Variants in FAM135B observed in about 807,000 individuals in gnomAD.
FAM135B encodes family with sequence similarity 135 member B, also known as protein FAM135B.
FAM135B carries 43 observed loss-of-function variants against 127.7 expected under a neutral mutation model. The observed-to-expected ratio is 0.34, with a 90% CI of 0.26 to 0.43. FAM135B has a LOEUF of 0.43. FAM135B is among the 20% of genes least tolerant of loss of function. The pLI is 1.00. For synonymous variants in FAM135B, 670 were observed against 665.1 expected, an observed-to-expected ratio of 1.01 and a Z score of -0.11; for missense variants, 1,558 against 1,725.6, an observed-to-expected ratio of 0.90 and a Z score of 1.72.
intron 1 of FAM135B, among the ~76,000 whole-genome samples, chr8:138,392,440 T>C (rs1477473538): frequency 1.3e-5 from 2 of 152,220 alleles, no homozygotes; most frequent in Non-Finnish European, 2.9e-5. Flanking sequence ...GAGTAAATCC[T>C]GTATTTGTTG....
At chr8:138,400,219 G>T (rs1326889715) in intron 1 of FAM135B, among the ~76,000 whole-genome samples, 1 of 152,106 alleles carries the variant, frequency 6.6e-6, no homozygotes, top group Non-Finnish European at 1.5e-5. Flanking sequence ...AGCCAGAGTC[G>T]CTCCTCAGAT....
chr8:138,176,137 G>A (rs993153842), intron 11 of FAM135B, among the ~76,000 whole-genome samples: 4 of 152,242 alleles, frequency 2.6e-5, no homozygotes, highest in Non-Finnish European at 4.4e-5. Context: ...TGTAATCTGA[G>A]TGCTGGGTCA....
At chr8:138,426,042 C>CATATATATAT (rs1834859049) in intron 1 of FAM135B, among the ~76,000 whole-genome samples, 1 of 77,336 alleles carries the variant, frequency 1.3e-5, no homozygotes. Flanking sequence ...CACACACACA[C>CATATATATAT]ACACACACAT....
chr8:138,273,097 T>G (rs1823512591), intron 3 of FAM135B, among the ~76,000 whole-genome samples: 1 of 152,160 alleles, frequency 6.6e-6, no homozygotes, highest in Admixed American at 6.5e-5. Flanking sequence ...TGCTGCTGGA[T>G]TAATAGGAGT....
At chr8:138,481,230 G>T (rs1371943243) in intron 1 of FAM135B, among the ~76,000 whole-genome samples, 1 of 152,196 alleles carries the variant, frequency 6.6e-6, no homozygotes, top group African/African-American at 2.4e-5. Context: ...CATGGTATCA[G>T]GCACTTTGTT....
chr8:138,367,738 C>A (rs373508640), intron 2 of FAM135B, among the ~76,000 whole-genome samples, 169 bp downstream of exon 2: 1 of 151,912 alleles, frequency 6.6e-6, no homozygotes, highest in African/African-American at 2.4e-5. Flanking sequence ...TTTTCAGATG[C>A]AATAAAGGTT....
chr8:138,203,460 G>C (rs2129645833), intron 7 of FAM135B, among the ~76,000 whole-genome samples: 1 of 152,288 alleles, frequency 6.6e-6, no homozygotes, highest in East Asian at 1.9e-4. Context: ...CTCTGCCCCA[G>C]GTTGAGCTGT....
At chr8:138,216,817 T>G (rs897327969) in intron 7 of FAM135B, among the ~76,000 whole-genome samples, 3 of 152,202 alleles carry the variant, frequency 2.0e-5, no homozygotes, top group Non-Finnish European at 4.4e-5. Flanking sequence ...CATATTCATA[T>G]AGCCTAACCC....
At chr8:138,161,980 A>C (rs1819446979) in intron 12 of FAM135B, among the ~76,000 whole-genome samples, 1 of 152,176 alleles carries the variant, frequency 6.6e-6, no homozygotes. Context: ...AATAGAACAG[A>C]ATTCCAACAA....
At chr8:138,445,154 ATAAT>A (rs1836050140) in intron 1 of FAM135B, among the ~76,000 whole-genome samples, 1 of 152,218 alleles carries the variant, frequency 6.6e-6, no homozygotes, top group African/African-American at 2.4e-5. Context: ...AATTGAGGCA[ATAAT>A]TAATAGCTTA....
At position 138,257,885 on chromosome 8, in the gene FAM135B, T is replaced by A. The variant is rs5895507; in HGVS notation, c.298-1126A>T. 5.9e-3 allele frequency among the ~76,000 whole-genome samples: 502 copies of A among 85,732 alleles called. 3 individuals are homozygous for A. The highest frequency in any genetic ancestry group is 0.02 in the African/African-American group (422 of 20,874). 56.2% of individuals were successfully genotyped at this position (85,732 alleles called of 152,430 possible). A position where few individuals can be genotyped will look rare whatever the true frequency, so the allele number is the denominator to read the frequency against. On this transcript the variant is annotated intron_variant, in intron 4 of 19. Transcript: ENST00000395297. ...TTCAGCTTCTACAAAAAATAAAAAATAAAAAAAAAAATAAAACAAAACAAA... is the reference window on the plus strand; with the variant it reads ...TTCAGCTTCTACAAAAAATAAAAAAAAAAAAAAAAAATAAAACAAAACAAA...
At position 138,167,881 on chromosome 8, in the gene FAM135B, C is replaced by T; in HGVS notation, c.1258+14G>A. 2 of 1,598,818 alleles carry T rather than the reference C, an allele frequency of 1.3e-6. No homozygotes were observed. Among genetic ancestry groups the T allele is most frequent in the Non-Finnish European group, 8.5e-7 (1 of 1,171,018 alleles). ...GCCTTATTCCTGAGTCTTTCCAAAA[C>T]AAAACAGACAAACCTGTCGCAGGGC... On this transcript the variant is annotated intron_variant, in intron 12 of 19. Transcript: ENST00000395297.
intron 1 of FAM135B, among the ~76,000 whole-genome samples, chr8:138,392,484 A>G (rs982041891): frequency 1.3e-5 from 2 of 152,158 alleles, no homozygotes; most frequent in Admixed American, 6.5e-5. Flanking sequence ...TCCTTTCTGG[A>G]GCTTGGATCA....
intron 1 of FAM135B, among the ~76,000 whole-genome samples, chr8:138,412,507 C>T (rs1022630601): frequency 1.1e-4 from 16 of 152,178 alleles, no homozygotes; most frequent in Non-Finnish European, 2.2e-4. Context: ...CACCTGGCTC[C>T]GAATCCAGTT....
At chr8:138,425,125 A>T (rs1834765719) in intron 1 of FAM135B, among the ~76,000 whole-genome samples, 2 of 152,182 alleles carry the variant, frequency 1.3e-5, no homozygotes. Context: ...TAATGTGTAC[A>T]AGCATTATAT....
chr8:138,203,970 C>T (rs4909751), intron 7 of FAM135B, among the ~76,000 whole-genome samples: 109,194 of 151,908 alleles, frequency 0.72, 39,453 homozygotes, highest in East Asian at 0.82. Flanking sequence ...GCTCGAGAAT[C>T]GAATGCCACC....
intron 1 of FAM135B, among the ~76,000 whole-genome samples, chr8:138,451,913 C>A (rs753800921): frequency 6.6e-6 from 1 of 152,144 alleles, no homozygotes; most frequent in South Asian, 2.1e-4. Flanking sequence ...TGAGATTTAA[C>A]ATATTAGAAA....
chr8:138,287,344 G>T (rs1291385245), intron 3 of FAM135B, among the ~76,000 whole-genome samples: 1 of 151,444 alleles, frequency 6.6e-6, no homozygotes, highest in Admixed American at 6.6e-5. Flanking sequence ...AACTAAAACA[G>T]TGCTATATTT....
intron 1 of FAM135B, among the ~76,000 whole-genome samples, chr8:138,493,121 C>T (rs1246909335): frequency 6.6e-6 from 1 of 152,144 alleles, no homozygotes; most frequent in East Asian, 1.9e-4. Flanking sequence ...CGAGTCACTC[C>T]TGAGATGGGT....
Sources: allele counts gnomAD v4.1 joint callset (sites outside exome capture counted in the v4.1 genomes callset), GRCh38; gene constraint gnomAD v4.1.1; transcripts MANE v1.5; gene names NCBI Gene and HGNC (gene_info 2026-07-23, HGNC 2026-07-21).